ELP4: variants seen among roughly 807,000 people sequenced by gnomAD.
The protein encoded by ELP4 is elongator complex protein 4.
ELP4 carries 51 observed loss-of-function variants against 48.9 expected under a neutral mutation model. The observed-to-expected ratio is 1.04, with a 90% CI of 0.83 to 1.32. ELP4 has a LOEUF of 1.32. Ranked by LOEUF, ELP4 falls within the 40% of genes most tolerant of loss-of-function variation. ELP4 has a pLI of 0.00. For synonymous variants in ELP4, 210 were observed against 189.2 expected (o/e 1.11, Z -0.90); for missense variants, 519 against 514.6 (o/e 1.01, Z -0.08).
chr11:31,615,282 A>T (rs1056020067), intron 5 of ELP4, among the ~76,000 whole-genome samples: 3 of 152,090 alleles, frequency 2.0e-5, no homozygotes, highest in Non-Finnish European at 4.4e-5. Flanking sequence ...GAAAAAATTG[A>T]ATACCCTACT....
At chr11:31,664,310 C>T (rs1021479222) in intron 9 of ELP4, 1 of 152,014 alleles carries the variant, frequency 6.6e-6, no homozygotes, top group Admixed American at 6.6e-5. Flanking sequence ...TAAACTTTCC[C>T]ATTGTCATTA....
intron 3 of ELP4, among the ~76,000 whole-genome samples, chr11:31,554,775 T>C (rs1200665649): frequency 1.3e-5 from 2 of 152,184 alleles, no homozygotes; most frequent in Non-Finnish European, 2.9e-5. Flanking sequence ...CTGCTGTCTC[T>C]AGTTTTGAAC....
chr11:31,509,776 G>A lies in ELP4; in HGVS notation c.-9G>A, dbSNP rs1955942766. 3.7e-6 allele frequency: 6 copies of A among 1,613,730 alleles called. No homozygotes were observed. Among genetic ancestry groups the A allele is most frequent in the East Asian group, 2.2e-5 (1 of 44,868 alleles). On this transcript the variant is annotated 5_prime_UTR_variant, in exon 1 of 10. Coordinates refer to ENST00000640961, the MANE Select transcript of ELP4 (RefSeq NM_019040.5). ...GAGTTCCTATTGGGTTAACACTGGAGGCTCTAAGATGGCGGCAGTGGCAAC... is the reference window on the plus strand; with the variant it reads ...GAGTTCCTATTGGGTTAACACTGGAAGCTCTAAGATGGCGGCAGTGGCAAC...
chr11:31,615,980 T>G (rs751917800), intron 5 of ELP4, among the ~76,000 whole-genome samples: 2 of 152,098 alleles, frequency 1.3e-5, no homozygotes, highest in Non-Finnish European at 2.9e-5. Flanking sequence ...TTTTTCATAT[T>G]ACATTTGTTA....
intron 9 of ELP4, among the ~76,000 whole-genome samples, chr11:31,765,812 G>A (rs1262082939): frequency 1.3e-5 from 2 of 151,904 alleles, no homozygotes; most frequent in African/African-American, 4.8e-5. Context: ...ACTGTTCTTA[G>A]CCTGATTTAT....
At chr11:31,609,483 A>G (rs1395892543) in intron 5 of ELP4, among the ~76,000 whole-genome samples, 1 of 152,040 alleles carries the variant, frequency 6.6e-6, no homozygotes, top group Non-Finnish European at 1.5e-5. Context: ...GGGCCTCTGT[A>G]AGGCGGGAAA....
intron 9 of ELP4, chr11:31,763,303 C>G (rs1023603147): frequency 3.0e-6 from 3 of 997,158 alleles, no homozygotes; most frequent in Non-Finnish European, 4.2e-6. Flanking sequence ...TAAAAAGATA[C>G]ACAATTGAGA....
At chr11:31,584,085 C>A (rs556148810) in intron 3 of ELP4, among the ~76,000 whole-genome samples, 18 of 151,848 alleles carry the variant, frequency 1.2e-4, no homozygotes, top group Non-Finnish European at 2.1e-4. Flanking sequence ...TAATTGGTAT[C>A]TAGGATCTTT....
intron 9 of ELP4, among the ~76,000 whole-genome samples, chr11:31,702,447 G>A (rs1357358403): frequency 6.6e-6 from 1 of 151,998 alleles, no homozygotes; most frequent in Non-Finnish European, 1.5e-5. Context: ...AAAAGTTCTG[G>A]AAATGGATAA....
chr11:31,528,938 C>T (rs902500235), intron 2 of ELP4, among the ~76,000 whole-genome samples: 4 of 151,866 alleles, frequency 2.6e-5, no homozygotes, highest in Non-Finnish European at 5.9e-5. Context: ...TTGTCATAGA[C>T]AAATGGCAGA....
At chr11:31,642,833 G>A (rs532835521) in intron 7 of ELP4, among the ~76,000 whole-genome samples, 61 of 151,894 alleles carry the variant, frequency 4.0e-4, no homozygotes, top group Non-Finnish European at 6.2e-4. Context: ...TCTGGAGGAA[G>A]TGGGACAAGT....
chr11:31,667,086 T>G (rs972552479), intron 9 of ELP4, among the ~76,000 whole-genome samples: 1 of 152,206 alleles, frequency 6.6e-6, no homozygotes, highest in African/African-American at 2.4e-5. Context: ...TACTTTATCA[T>G]AGACCACATA....
In ELP4 at chr11:31,770,423, G is replaced by T. The variant is rs571237365; in HGVS notation, c.1144-12970G>T. ...ATGATGCTGCTGGAGAGAGGGGGCT[G>T]GTCAGGGAGAAGGCATCTTTCACAG... On this transcript the variant is annotated intron_variant, in intron 9 of 9. Coordinates refer to ENST00000640961, the MANE Select transcript of ELP4 (RefSeq NM_019040.5). Among the ~76,000 whole-genome samples, 8 of 152,180 alleles carry T rather than the reference G, an allele frequency of 5.3e-5. No homozygotes were observed. In the South Asian group the frequency reaches 1.7e-3, roughly 32 times the overall value.
At chr11:31,594,721 GT>G (rs1296908948) in intron 3 of ELP4, 48 bp from the exon 4 acceptor site, 4 of 1,368,372 alleles carry the variant, frequency 2.9e-6, no homozygotes, top group Middle Eastern at 2.5e-4. Context: ...TAAGAAAATT[GT>G]CATATTTTAC....
chr11:31,523,057 G>T (rs1276508533), intron 2 of ELP4, among the ~76,000 whole-genome samples: 4 of 149,648 alleles, frequency 2.7e-5, no homozygotes, highest in African/African-American at 9.8e-5. Flanking sequence ...TTTTTTGGTA[G>T]AGATAGGGCC....
intron 2 of ELP4, among the ~76,000 whole-genome samples, chr11:31,536,603 C>T (rs1315763755): frequency 9.9e-5 from 15 of 152,150 alleles, no homozygotes; most frequent in African/African-American, 3.4e-4. Flanking sequence ...CCACTTGCCT[C>T]GGCCTCTCAA....
At position 31,536,341 on chromosome 11, in the gene ELP4, T is replaced by TTTTTG. The variant is rs1268342373; in HGVS notation, c.260-3308_260-3304dup. On this transcript the variant is annotated intron_variant, in intron 2 of 9. Transcript: ENST00000640961. ...AACTTTTTTGGAAACTGCCAAACTG[T>TTTTTG]TTTTGTTTTGTTTTGTTCTGATTTG... Among the ~76,000 whole-genome samples the TTTTTG allele has an allele frequency of 5.3e-5, 8 of 152,104 alleles. No individual in the cohort carries two copies. In the East Asian group the frequency reaches 1.2e-3, roughly 22 times the overall value.
chr11:31,578,598 T>C (rs189126507), intron 3 of ELP4, among the ~76,000 whole-genome samples: 59 of 152,070 alleles, frequency 3.9e-4, no homozygotes, highest in African/African-American at 1.3e-3. Context: ...GAGATATAGA[T>C]CAATGGAACA....
chr11:31,605,559 A>G (rs1430045749), intron 5 of ELP4, among the ~76,000 whole-genome samples: 1 of 152,156 alleles, frequency 6.6e-6, no homozygotes, highest in Non-Finnish European at 1.5e-5. Context: ...AGTGCTTAGG[A>G]AAATAAATGT....
Sources: gnomAD v4.1 joint callset for allele counts (sites outside exome capture counted in the v4.1 genomes callset) on GRCh38, gnomAD v4.1.1 for gene constraint, MANE v1.5 for transcripts, NCBI Gene and HGNC (gene_info 2026-07-23, HGNC 2026-07-21) for gene names.